Variants in POU2AF3 observed in about 807,000 individuals in gnomAD.
POU2AF3 encodes POU class 2 homeobox associating factor 3, also known as cancer susceptibility candidate 13.
the POU2AF3 span, chr11:111,300,534 G>A: frequency 2.4e-6 from 3 of 1,231,148 alleles, no homozygotes; most frequent in South Asian, 4.1e-5. Flanking sequence ...CAGAAAAACC[G>A]AAGGTGTATC....
At chr11:111,308,438 T>G in the POU2AF3 span, 1 of 1,541,534 alleles carries the variant, frequency 6.5e-7, no homozygotes, top group South Asian at 1.2e-5. Flanking sequence ...CTATAGTTAA[T>G]AGAAATTACA....
the POU2AF3 span, chr11:111,298,553 A>T: frequency 8.0e-7 from 1 of 1,246,526 alleles, no homozygotes; most frequent in Non-Finnish European, 1.0e-6. Context: ...TGCAGCATCC[A>T]GCCACCGACC....
At chr11:111,305,500 G>T in the POU2AF3 span, among the ~76,000 whole-genome samples, 1 of 152,150 alleles carries the variant, frequency 6.6e-6, no homozygotes, top group Non-Finnish European at 1.5e-5. Flanking sequence ...CTACTCAACA[G>T]CTAAGAGTTT....
the POU2AF3 span, among the ~76,000 whole-genome samples, chr11:111,304,437 AT>A: frequency 2.0e-3 from 300 of 152,300 alleles, 1 homozygote; most frequent in African/African-American, 6.9e-3. Flanking sequence ...TTTACTAAAA[AT>A]TAATCACTTT....
chr11:111,301,469 T>C, the POU2AF3 span, among the ~76,000 whole-genome samples: 15 of 151,724 alleles, frequency 9.9e-5, no homozygotes, highest in African/African-American at 3.2e-4. Context: ...CTCCAGCCCA[T>C]TGGCATCTGC....
chr11:111,305,297 C>T, the POU2AF3 span, among the ~76,000 whole-genome samples: 1 of 152,172 alleles, frequency 6.6e-6, no homozygotes, highest in Non-Finnish European at 1.5e-5. Flanking sequence ...AGGAACTTAT[C>T]TTTTTTTAGT....
chr11:111,308,307 A>G, the POU2AF3 span: 1 of 1,551,762 alleles, frequency 6.4e-7, no homozygotes, highest in African/African-American at 1.4e-5. Context: ...TGTGAGGCAG[A>G]GGACTTGGAT....
chr11:111,305,125 T>C, the POU2AF3 span: 14 of 423,472 alleles, frequency 3.3e-5, no homozygotes, highest in African/African-American at 2.6e-4. Flanking sequence ...AAAGGCATAG[T>C]CACTCCACAT....
chr11:111,308,666 T>G, the POU2AF3 span: 1 of 364,054 alleles, frequency 2.7e-6, no homozygotes, highest in African/African-American at 2.1e-5. Context: ...AAACTTTCAA[T>G]TGTTTTACTT....
At chr11:111,300,678 T>G in the POU2AF3 span, 12 of 954,298 alleles carry the variant, frequency 1.3e-5, no homozygotes, top group Non-Finnish European at 1.6e-5. Context: ...TTCAAAGCTG[T>G]GTCTGCAAGG....
the POU2AF3 span, chr11:111,299,158 G>A: frequency 2.0e-4 from 187 of 947,886 alleles, no homozygotes; most frequent in Non-Finnish European, 2.3e-4. Flanking sequence ...CCTTTCCTGG[G>A]GAGACCCTAA....
the POU2AF3 span, among the ~76,000 whole-genome samples, chr11:111,303,776 G>T: frequency 6.6e-6 from 1 of 152,096 alleles, no homozygotes; most frequent in African/African-American, 2.4e-5. Context: ...CTGTGGCTCA[G>T]AGTATGGGAG....
chr11:111,299,211 C>T, the POU2AF3 span: 29 of 975,536 alleles, frequency 3.0e-5, no homozygotes, highest in East Asian at 1.1e-4. Flanking sequence ...TGTCCAGCTG[C>T]GGTCCCCGCA....
chr11:111,306,325 T>C, the POU2AF3 span: 10 of 844,102 alleles, frequency 1.2e-5, no homozygotes, highest in Non-Finnish European at 1.7e-5. Flanking sequence ...ATTCAGAGTA[T>C]AGATCTCCAT....
the POU2AF3 span, among the ~76,000 whole-genome samples, chr11:111,307,329 G>A: frequency 6.6e-6 from 1 of 152,046 alleles, no homozygotes; most frequent in South Asian, 2.1e-4. Context: ...ACCTTAAATT[G>A]TAAAGTTTTC....
chr11:111,300,406 T>A, the POU2AF3 span: 1 of 382,586 alleles, frequency 2.6e-6, no homozygotes, highest in Non-Finnish European at 4.6e-6. Flanking sequence ...ACATTTTTTG[T>A]GTGTGTTCTC....
the POU2AF3 span, chr11:111,298,969 C>T: frequency 1.4e-5 from 14 of 1,010,286 alleles, no homozygotes; most frequent in Non-Finnish European, 5.9e-6. Context: ...TGCACTGAGC[C>T]GAGCTGTGGC....
At chr11:111,300,212 C>A in the POU2AF3 span, 4 of 323,974 alleles carry the variant, frequency 1.2e-5, no homozygotes, top group African/African-American at 6.4e-5. Flanking sequence ...GTGGGCTCCG[C>A]TGCACTGGTC....
At chr11:111,298,826 G>GGGGGGGGGGCGC in the POU2AF3 span, 4 of 790,960 alleles carry the variant, frequency 5.1e-6, no homozygotes, top group Non-Finnish European at 6.8e-6. Flanking sequence ...CGTACCCCAG[G>GGGGGGGGGGCGC]CCCCCGCCCG....
Sources: gnomAD v4.1 joint callset for allele counts (sites outside exome capture counted in the v4.1 genomes callset) on GRCh38, gnomAD v4.1.1 for gene constraint, MANE v1.5 for transcripts, NCBI Gene and HGNC (gene_info 2026-07-23, HGNC 2026-07-21) for gene names.